The following CTCF variants were observed in gnomAD, a reference collection of about 807,000 sequenced individuals.
The protein encoded by CTCF is CCCTC-binding factor, also known as transcriptional repressor CTCF.
A neutral mutation model predicts 72.3 loss-of-function variants in CTCF; 7 were observed. The ratio of observed to expected loss-of-function variants is 0.10; its 90% CI spans 0.06 to 0.18. CTCF has a LOEUF of 0.18. CTCF is among the 10% of genes least tolerant of loss of function. CTCF has a pLI of 1.00. For missense variants in CTCF, 516 were observed against 949.1 expected, an observed-to-expected ratio of 0.54 and a Z score of 6.00; for synonymous variants, 374 against 315.8, an observed-to-expected ratio of 1.18 and a Z score of -1.95.
At chr16:67,583,617 G>T (rs1567596148) in intron 2 of CTCF, among the ~76,000 whole-genome samples, 1 of 152,018 alleles carries the variant, frequency 6.6e-6, no homozygotes, top group Non-Finnish European at 1.5e-5. Context: ...AACCTGGAAG[G>T]TGGAGGTTGC....
At chr16:67,570,078 T>TA (rs1466765414) in intron 1 of CTCF, among the ~76,000 whole-genome samples, 26 of 143,950 alleles carry the variant, frequency 1.8e-4, no homozygotes, top group African/African-American at 5.5e-4. Flanking sequence ...AAGAATTAAT[T>TA]TTTTTTTTTT....
chr16:67,608,896 C>T (rs1424799339), intron 2 of CTCF, among the ~76,000 whole-genome samples: 1 of 152,080 alleles, frequency 6.6e-6, no homozygotes, highest in Non-Finnish European at 1.5e-5. Flanking sequence ...CATGCACCAT[C>T]ACACCTGGCT....
In CTCF at chr16:67,636,814, A is replaced by G. The variant is rs772451262; in HGVS notation, c.1962A>G (p.Arg654=). 2 of 1,597,190 alleles carry G rather than the reference A, an allele frequency of 1.3e-6. No individual in the cohort carries two copies. The highest frequency in any genetic ancestry group is 1.7e-6 in the Non-Finnish European group (2 of 1,171,454). ...CACCCGCCAAGAAGCGGAGAGGACGACCCCCTGGCAGAACCAACCAGCCCA... is the reference window on the plus strand; with the variant it reads ...CACCCGCCAAGAAGCGGAGAGGACGGCCCCCTGGCAGAACCAACCAGCCCA... The part of the protein sequence containing the change: ...APPPAKKRRG[R]PPGRTNQPKQ... The change falls in exon 11 of 12, where the codon CGA becomes CGG. Residue 654 remains arginine, a synonymous_variant. Coordinates refer to ENST00000264010, the MANE Select transcript of CTCF (RefSeq NM_006565.4).
intron 4 of CTCF, 136 bp from the exon 5 acceptor site, chr16:67,616,609 G>C: frequency 1.0e-6 from 1 of 960,364 alleles, no homozygotes; most frequent in Non-Finnish European, 1.6e-6. Context: ...GCTGACTTTT[G>C]TATCTGCTTT....
rs529789934 is a variant in CTCF, at chr16:67,632,111, A to G, written c.1837+2578A>G. Among the ~76,000 whole-genome samples the G allele has an allele frequency of 2.0e-5, 3 of 150,902 alleles. No homozygotes were observed. The East Asian group carries it at 5.8e-4, about 29-fold the overall frequency. ...AAAAGGGAAAAAAATTATTGCACTGAACTGTTGGGGGTTTTCAGAAATGTT... is the reference window on the plus strand; with the variant it reads ...AAAAGGGAAAAAAATTATTGCACTGGACTGTTGGGGGTTTTCAGAAATGTT... On this transcript the variant is annotated intron_variant, in intron 10 of 11. Transcript: ENST00000264010.
intron 1 of CTCF, among the ~76,000 whole-genome samples, chr16:67,562,940 C>CTAGG: frequency 1.4e-5 from 2 of 145,384 alleles, no homozygotes; most frequent in African/African-American, 5.0e-5. Context: ...CGCCCGCCCG[C>CTAGG]CCGCTAGGCC....
At chr16:67,611,826 A>G (rs1163731729) in intron 3 of CTCF, 125 bp from the exon 4 acceptor site, 1 of 966,082 alleles carries the variant, frequency 1.0e-6, no homozygotes, top group Non-Finnish European at 1.6e-6. Context: ...GACATGAGAT[A>G]ATTATGACTT....
At chr16:67,603,239 G>T (rs980663604) in intron 2 of CTCF, among the ~76,000 whole-genome samples, 1 of 151,518 alleles carries the variant, frequency 6.6e-6, no homozygotes, top group African/African-American at 2.4e-5. Flanking sequence ...TACAAAAAAA[G>T]AAAACATTAG....
At chr16:67,616,689 C>CT (rs2052135833) in intron 4 of CTCF, 56 bp from the exon 5 acceptor site, 5 of 1,598,632 alleles carry the variant, frequency 3.1e-6, no homozygotes, top group East Asian at 2.2e-5. Flanking sequence ...ACATTGAACT[C>CT]TGTCATTAAC....
intron 2 of CTCF, among the ~76,000 whole-genome samples, chr16:67,576,550 GTTT>G (rs35771667): frequency 1.8e-5 from 2 of 108,266 alleles, no homozygotes; most frequent in East Asian, 2.5e-4. Context: ...ATAATAGAAT[GTTT>G]TTTTTTTTTT....
intron 4 of CTCF, chr16:67,615,922 T>G (rs1367777130): frequency 6.6e-6 from 1 of 152,188 alleles, no homozygotes; most frequent in Non-Finnish European, 1.5e-5. Context: ...AAGGCAGCCT[T>G]CCTTTGGTTT....
At chr16:67,581,877 G>A (rs1200150937) in intron 2 of CTCF, among the ~76,000 whole-genome samples, 3 of 152,132 alleles carry the variant, frequency 2.0e-5, no homozygotes, top group East Asian at 1.9e-4. Flanking sequence ...CTGCCTCAGC[G>A]TCCGAAAGTG....
chr16:67,616,624 C>T, intron 4 of CTCF, 121 bp from the exon 5 acceptor site: 1 of 1,119,722 alleles, frequency 8.9e-7, no homozygotes, highest in Non-Finnish European at 1.3e-6. Context: ...TGCTTTCAAG[C>T]TACTGCAGTT....
At position 67,637,727 on chromosome 16, in the gene CTCF, C is replaced by G; in HGVS notation, c.2039C>G (p.Ala680Gly). 4 of 1,613,734 alleles carry G rather than the reference C, an allele frequency of 2.5e-6. No individual in the cohort carries two copies. Among genetic ancestry groups the G allele is most frequent in the Non-Finnish European group, 3.4e-6 (4 of 1,179,902 alleles). Reference protein sequence around the residue: ...IIQVEDQNTGAIENIIVEVKK... With the variant: ...IIQVEDQNTGGIENIIVEVKK... The stretch of plus-strand genomic sequence containing the variant: ...CAGGTTGAAGACCAGAATACAGGTG[C>G]AATTGAGAACATTATAGTTGAAGTA... The change falls in exon 12 of 12, where the codon GCA becomes GGA. Residue 680 changes from alanine (A) to glycine (G), a missense_variant. Ala to Gly is a moderately conservative substitution (Grantham distance 60). This residue lies in a region of CTCF where 157 missense variants were observed against 172.9 expected (regional missense o/e 0.91). Transcript: ENST00000264010.
chr16:67,629,654 T>G, intron 10 of CTCF, 121 bp downstream of exon 10: 1 of 907,250 alleles, frequency 1.1e-6, no homozygotes, highest in East Asian at 3.0e-5. Context: ...TTCTTTAAAC[T>G]TCTCATCTCC....
chr16:67,588,355 AG>A (rs750095709), intron 2 of CTCF, among the ~76,000 whole-genome samples: 24 of 152,288 alleles, frequency 1.6e-4, no homozygotes, highest in Middle Eastern at 3.4e-3. Context: ...TCCTATTCCA[AG>A]TGATGAAAAG....
intron 2 of CTCF, among the ~76,000 whole-genome samples, chr16:67,594,943 C>T (rs1226667886): frequency 6.6e-6 from 1 of 152,100 alleles, no homozygotes; most frequent in Non-Finnish European, 1.5e-5. Flanking sequence ...GTGACTTGAG[C>T]TGGGAAGGGA....
intron 2 of CTCF, among the ~76,000 whole-genome samples, chr16:67,593,580 C>A (rs547067418): frequency 6.6e-6 from 1 of 152,108 alleles, no homozygotes. Flanking sequence ...GGGTTCGTAT[C>A]AACCTCTGTT....
intron 10 of CTCF, among the ~76,000 whole-genome samples, chr16:67,635,812 G>A (rs1241367537): frequency 2.0e-5 from 3 of 151,818 alleles, no homozygotes; most frequent in Admixed American, 6.6e-5. Context: ...TTCTTGTAGA[G>A]ATAAGGTCTC....
Sources: gnomAD v4.1 joint callset for allele counts (sites outside exome capture counted in the v4.1 genomes callset) on GRCh38, gnomAD v4.1.1 for gene constraint, gnomAD v4.1.1 regional missense constraint, MANE v1.5 for transcripts, NCBI Gene and HGNC (gene_info 2026-07-23, HGNC 2026-07-21) for gene names.